The following THSD4 variants were observed in gnomAD, a reference collection of about 807,000 sequenced individuals.
The protein encoded by THSD4 is thrombospondin type-1 domain-containing protein 4.
Under a neutral mutation model 119.0 loss-of-function variants are expected in THSD4, and 69 were observed. The ratio of observed to expected loss-of-function variants is 0.58; its 90% CI spans 0.48 to 0.71. The LOEUF is 0.71. THSD4 is among the 30% of genes least tolerant of loss of function. The probability of loss-of-function intolerance (pLI) is 0.00; values close to 1 mark genes in which losing one functional copy is unlikely to be tolerated. For missense variants in THSD4, 1,393 were observed against 1,391.1 expected (o/e 1.00, Z -0.02); for synonymous variants, 524 against 540.4 (o/e 0.97, Z 0.42).
At chr15:71,218,061 C>T (rs370385582) in intron 4 of THSD4, among the ~76,000 whole-genome samples, 23 of 151,816 alleles carry the variant, frequency 1.5e-4, no homozygotes, top group East Asian at 1.4e-3. Flanking sequence ...CATGAGTCAC[C>T]GTGCGTGGCC....
intron 7 of THSD4, among the ~76,000 whole-genome samples, chr15:71,531,948 A>G (rs148930375): frequency 1.6e-4 from 24 of 152,262 alleles, no homozygotes; most frequent in African/African-American, 5.5e-4. Context: ...CCTCTTCTCC[A>G]GCTCACCCAT....
chr15:71,491,657 A>G (rs1240917915), intron 7 of THSD4, among the ~76,000 whole-genome samples: 2 of 152,066 alleles, frequency 1.3e-5, no homozygotes, highest in African/African-American at 4.8e-5. Flanking sequence ...AATTAATTGA[A>G]CCCAGGAGTT....
intron 7 of THSD4, among the ~76,000 whole-genome samples, chr15:71,423,499 C>T (rs2046833826): frequency 6.6e-6 from 1 of 152,198 alleles, no homozygotes; most frequent in African/African-American, 2.4e-5. Flanking sequence ...CTGGGAACTA[C>T]GGCCTGGAAT....
intron 15 of THSD4, among the ~76,000 whole-genome samples, chr15:71,763,863 A>C (rs1201435660): frequency 6.6e-6 from 1 of 152,144 alleles, no homozygotes; most frequent in Non-Finnish European, 1.5e-5. Context: ...TCAGGAGTTC[A>C]AGACCAGCCT....
At chr15:71,480,949 T>C (rs1595809665) in intron 7 of THSD4, among the ~76,000 whole-genome samples, 1 of 152,222 alleles carries the variant, frequency 6.6e-6, no homozygotes, top group Non-Finnish European at 1.5e-5. Context: ...TGACTTTTTT[T>C]ATAGATTCAT....
intron 7 of THSD4, among the ~76,000 whole-genome samples, chr15:71,578,046 C>T (rs572996767): frequency 1.3e-5 from 2 of 151,908 alleles, no homozygotes; most frequent in African/African-American, 4.8e-5. Context: ...AGCCACTGCT[C>T]CCTTCCCCTA....
intron 7 of THSD4, among the ~76,000 whole-genome samples, chr15:71,448,816 T>A (rs1422314926): frequency 6.6e-6 from 1 of 152,206 alleles, no homozygotes; most frequent in Admixed American, 6.5e-5. Flanking sequence ...GGGAAACCAG[T>A]CACTGATAAT....
intron 1 of THSD4, among the ~76,000 whole-genome samples, chr15:71,118,694 G>A (rs1315266238): frequency 2.0e-5 from 3 of 152,132 alleles, no homozygotes; most frequent in African/African-American, 7.2e-5. Context: ...ATGCAGAATC[G>A]TGATGTTTAC....
chr15:71,751,476 C>T (rs192925861), intron 14 of THSD4, among the ~76,000 whole-genome samples: 211 of 151,950 alleles, frequency 1.4e-3, no homozygotes, highest in Non-Finnish European at 2.2e-3. Context: ...TTTCCTCATA[C>T]GTATTTTAAA....
intron 7 of THSD4, among the ~76,000 whole-genome samples, chr15:71,544,691 C>G (rs940928771): frequency 1.3e-5 from 2 of 152,168 alleles, no homozygotes; most frequent in Admixed American, 1.3e-4. Flanking sequence ...GGGATTCAAA[C>G]AGATACTTGT....
intron 6 of THSD4, among the ~76,000 whole-genome samples, chr15:71,278,448 A>C (rs1022278202): frequency 2.6e-5 from 4 of 152,164 alleles, no homozygotes; most frequent in African/African-American, 7.2e-5. Context: ...ACCTGCCCCG[A>C]TACAGATTTT....
intron 1 of THSD4, among the ~76,000 whole-genome samples, chr15:71,099,587 G>T (rs2040245430): frequency 6.6e-6 from 1 of 151,762 alleles, no homozygotes; most frequent in Non-Finnish European, 1.5e-5. Flanking sequence ...TTATATTCCA[G>T]GTTTCTTTTG....
At chr15:71,302,572 G>C (rs754075326) in intron 6 of THSD4, among the ~76,000 whole-genome samples, 36 of 150,850 alleles carry the variant, frequency 2.4e-4, no homozygotes, top group African/African-American at 8.7e-4. Context: ...GAATGGTTTT[G>C]TTGGGTGGGA....
chr15:71,603,944 C>A (rs539607132), intron 7 of THSD4, among the ~76,000 whole-genome samples: 1 of 152,142 alleles, frequency 6.6e-6, no homozygotes, highest in African/African-American at 2.4e-5. Flanking sequence ...GAGAGAAGAA[C>A]TGAATATGGG....
intron 7 of THSD4, among the ~76,000 whole-genome samples, chr15:71,561,518 A>G (rs1464351229): frequency 6.6e-6 from 1 of 152,198 alleles, no homozygotes; most frequent in East Asian, 1.9e-4. Context: ...GAAGAATGAG[A>G]GGGAATTAAT....
At chr15:71,153,164 T>C (rs2040742191) in intron 2 of THSD4, among the ~76,000 whole-genome samples, 1 of 152,210 alleles carries the variant, frequency 6.6e-6, no homozygotes, top group Non-Finnish European at 1.5e-5. Context: ...GATCAAGCTC[T>C]GAATGTTGTC....
intron 8 of THSD4, among the ~76,000 whole-genome samples, chr15:71,664,685 T>G (rs2051381138): frequency 1.3e-5 from 2 of 152,116 alleles, no homozygotes; most frequent in Admixed American, 1.3e-4. Context: ...GTCTGTTGTT[T>G]CTCTGTGTGT....
chr15:71,217,548 G>A (rs1264434374), intron 4 of THSD4, among the ~76,000 whole-genome samples: 4 of 151,494 alleles, frequency 2.6e-5, no homozygotes, highest in Admixed American at 6.6e-5. Context: ...GCGTGAACCC[G>A]GGAGGCAGAG....
intron 6 of THSD4, among the ~76,000 whole-genome samples, chr15:71,406,530 C>T (rs1408464669): frequency 6.6e-6 from 1 of 152,040 alleles, no homozygotes; most frequent in Admixed American, 6.6e-5. Context: ...CAAGTATTTC[C>T]ATATTGATCT....
Sources: gnomAD v4.1 joint callset for allele counts (sites outside exome capture counted in the v4.1 genomes callset) on GRCh38, gnomAD v4.1.1 for gene constraint, MANE v1.5 for transcripts, NCBI Gene and HGNC (gene_info 2026-07-23, HGNC 2026-07-21) for gene names.